The following CDH10 variants were observed in gnomAD, a reference collection of about 807,000 sequenced individuals.
CDH10 encodes the protein cadherin-10.
In CDH10, 30 loss-of-function variants were observed where a neutral mutation model predicts 73.1. The ratio of observed to expected loss-of-function variants is 0.41; its 90% CI spans 0.31 to 0.56. The LOEUF is 0.56. CDH10 is among the 20% of genes least tolerant of loss of function. CDH10 has a pLI of 0.27. For synonymous variants in CDH10, 345 were observed against 348.2 expected, an observed-to-expected ratio of 0.99 and a Z score of 0.10; for missense variants, 815 against 973.7, an observed-to-expected ratio of 0.84 and a Z score of 2.17.
intron 1 of CDH10, among the ~76,000 whole-genome samples, chr5:24,606,738 T>A (rs1461497181): frequency 6.6e-6 from 1 of 152,182 alleles, no homozygotes; most frequent in Non-Finnish European, 1.5e-5. Context: ...ATTGAAAACG[T>A]TTAAACGTTT....
chr5:24,574,044 C>A (rs1745503805), intron 2 of CDH10, among the ~76,000 whole-genome samples: 1 of 151,464 alleles, frequency 6.6e-6, no homozygotes, highest in Non-Finnish European at 1.5e-5. Flanking sequence ...GCCACCACAC[C>A]CGGCTAATTT....
At chr5:24,562,561 TTGAC>T (rs1210962156) in intron 2 of CDH10, among the ~76,000 whole-genome samples, 3 of 152,180 alleles carry the variant, frequency 2.0e-5, no homozygotes, top group African/African-American at 4.8e-5. Flanking sequence ...ACAAGACTAT[TTGAC>T]TGTATTTTAT....
At chr5:24,521,219 C>T (rs1348306455) in intron 5 of CDH10, among the ~76,000 whole-genome samples, 1 of 152,156 alleles carries the variant, frequency 6.6e-6, no homozygotes, top group Non-Finnish European at 1.5e-5. Flanking sequence ...GCAGAACAAT[C>T]CACATACAAG....
chr5:24,547,967 A>G (rs1315659649), intron 2 of CDH10, among the ~76,000 whole-genome samples: 2 of 152,196 alleles, frequency 1.3e-5, no homozygotes, highest in African/African-American at 4.8e-5. Flanking sequence ...CGTAAAGCAA[A>G]CAAATGTTAA....
chr5:24,492,074 T>C (rs1742073553), intron 10 of CDH10, among the ~76,000 whole-genome samples: 1 of 152,220 alleles, frequency 6.6e-6, no homozygotes, highest in South Asian at 2.1e-4. Context: ...TTCAAAGTGG[T>C]ACATTTTTAT....
At chr5:24,523,895 G>A (rs1743429340) in intron 5 of CDH10, among the ~76,000 whole-genome samples, 1 of 152,030 alleles carries the variant, frequency 6.6e-6, no homozygotes. Context: ...TTTTACTGAT[G>A]ATACAATATA....
At chr5:24,586,148 T>C (rs891333134) in intron 2 of CDH10, among the ~76,000 whole-genome samples, 6 of 152,204 alleles carry the variant, frequency 3.9e-5, no homozygotes, top group Non-Finnish European at 8.8e-5. Context: ...ATTTCCTACT[T>C]GATAATATAC....
chr5:24,632,391 A>T (rs2112199488), intron 1 of CDH10, among the ~76,000 whole-genome samples: 1 of 152,190 alleles, frequency 6.6e-6, no homozygotes, highest in African/African-American at 2.4e-5. Context: ...TGCTTTATAT[A>T]TTCATTTGAA....
In CDH10 at chr5:24,593,240, C is replaced by T. The variant is rs1579453064; in HGVS notation, c.231+20G>A. On this transcript the variant is annotated intron_variant, in intron 2 of 11. Transcript: ENST00000264463. ...TATAAAGAGCAAATATAAACACGTG[C>T]CATTTTAACACAAGCTTACCTTGCC... is the stretch of plus-strand genomic sequence containing the variant. 1 of 1,327,990 alleles carries T rather than the reference C, an allele frequency of 7.5e-7. No homozygotes were observed. The highest frequency in any genetic ancestry group is 1.5e-5 in the African/African-American group (1 of 68,906). 82.3% of individuals were successfully genotyped at this position (1,327,990 alleles called of 1,614,324 possible). A position where few individuals can be genotyped will look rare whatever the true frequency, so the allele number is the denominator to read the frequency against.
At chr5:24,523,670 A>G (rs1403094039) in intron 5 of CDH10, among the ~76,000 whole-genome samples, 1 of 152,162 alleles carries the variant, frequency 6.6e-6, no homozygotes, top group Non-Finnish European at 1.5e-5. Context: ...TGTCTGCTTT[A>G]AACTTGCCAT....
At chr5:24,578,916 AT>A (rs1745693962) in intron 2 of CDH10, among the ~76,000 whole-genome samples, 1 of 152,166 alleles carries the variant, frequency 6.6e-6, no homozygotes, top group Non-Finnish European at 1.5e-5. Flanking sequence ...TGTATAAAAA[AT>A]GAAAAATTTT....
At chr5:24,503,561 T>C (rs771335097) in intron 8 of CDH10, among the ~76,000 whole-genome samples, 2 of 152,216 alleles carry the variant, frequency 1.3e-5, no homozygotes, top group Non-Finnish European at 2.9e-5. Context: ...TGAATTGTCC[T>C]AGTATGGGCA....
At chr5:24,621,148 G>T (rs1055177778) in intron 1 of CDH10, among the ~76,000 whole-genome samples, 1 of 152,104 alleles carries the variant, frequency 6.6e-6, no homozygotes, top group African/African-American at 2.4e-5. Flanking sequence ...CCCTTAGTGT[G>T]CCTCTAAGAG....
chr5:24,619,984 A>C (rs926530500), intron 1 of CDH10, among the ~76,000 whole-genome samples: 1 of 152,218 alleles, frequency 6.6e-6, no homozygotes, highest in South Asian at 2.1e-4. Context: ...TGTAACCAGA[A>C]GGGACTAAGA....
At chr5:24,570,778 A>AT in intron 2 of CDH10, among the ~76,000 whole-genome samples, 1 of 152,112 alleles carries the variant, frequency 6.6e-6, no homozygotes. Flanking sequence ...TGTACTTCAC[A>AT]TTTTTTATCT....
At chr5:24,566,774 T>C (rs981693752) in intron 2 of CDH10, among the ~76,000 whole-genome samples, 4 of 152,078 alleles carry the variant, frequency 2.6e-5, no homozygotes, top group African/African-American at 9.7e-5. Context: ...AAGAATAACC[T>C]TATGATCTTA....
rs141441949 is a variant in CDH10 at position 24,599,302 on chromosome 5, G to A, written c.-123-5689C>T. On this transcript the variant is annotated intron_variant, in intron 1 of 11. Coordinates refer to ENST00000264463, the MANE Select transcript of CDH10 (RefSeq NM_006727.5). The stretch of plus-strand genomic sequence containing the variant: ...TTTTCTTTGATCCAGGACTTGAACT[G>A]CTTCTGTAAAACAATGAGTGAAGAG... Among the ~76,000 whole-genome samples, 21 of 152,222 alleles carry A rather than the reference G, an allele frequency of 1.4e-4. No individual in the cohort carries two copies. The East Asian group carries it at 4.1e-3, about 30-fold the overall frequency.
At chr5:24,489,180 A>G (rs1308743374) in intron 11 of CDH10, among the ~76,000 whole-genome samples, 1 of 152,090 alleles carries the variant, frequency 6.6e-6, no homozygotes, top group Non-Finnish European at 1.5e-5. Flanking sequence ...TGATACAAGT[A>G]TTTATTTAGC....
In CDH10 at chr5:24,537,657, A is replaced by G. The variant is rs769757754; in HGVS notation, c.249T>C (p.Asp83=). Residue 83 remains aspartate (D), a synonymous_variant, in exon 3 of 12, where the codon GAT becomes GAC. Coordinates refer to ENST00000264463, the MANE Select transcript of CDH10 (RefSeq NM_006727.5). ...TATATTTGAGTGATCCATCTCCTTT[A>G]TCTTGGTCTGAATGTAGCTAGGGGA... ...QYVGKLHSDQ[D]KGDGSLKYIL... 3 of 1,595,482 alleles carry G rather than the reference A, an allele frequency of 1.9e-6. No homozygotes were observed. Among genetic ancestry groups the G allele is most frequent in the Non-Finnish European group, 2.6e-6 (3 of 1,165,078 alleles).
Sources: allele counts gnomAD v4.1 joint callset (sites outside exome capture counted in the v4.1 genomes callset), GRCh38; gene constraint gnomAD v4.1.1; transcripts MANE v1.5; gene names NCBI Gene and HGNC (gene_info 2026-07-23, HGNC 2026-07-21).